The following METTL5 variants were observed in gnomAD, a reference collection of about 807,000 sequenced individuals.
METTL5 encodes the protein methyltransferase 5, N6-adenosine, also known as rRNA N(6)-adenosine-methyltransferase METTL5.
METTL5 carries 28 observed loss-of-function variants against 26.5 expected under a neutral mutation model. The observed-to-expected ratio is 1.06, with a 90% CI of 0.78 to 1.45. METTL5 has a LOEUF of 1.45. Among genes scored for constraint, METTL5 ranks in the 40% most tolerant of loss-of-function variants. METTL5 has a pLI of 0.00. For missense variants in METTL5, 231 were observed against 249.9 expected (o/e 0.92, Z 0.51); for synonymous variants, 86 against 82.6 (o/e 1.04, Z -0.22).
Position 169,824,759 on chromosome 2 carries a change from C to A in METTL5, c.-162G>T. ...CCTAAGGAGACGCCCGGACGCAGGG[C>A]ACGGGGCGAGCCTCTGACCCACCTC... On this transcript the variant is annotated 5_prime_UTR_variant, in exon 1 of 7. Transcript: ENST00000260953. 1.7e-6 allele frequency: 1 copy of A among 595,592 alleles called. No homozygotes were observed. The highest frequency in any genetic ancestry group is 2.0e-5 in the South Asian group (1 of 51,094). 36.9% of individuals were successfully genotyped at this position (595,592 alleles called of 1,614,324 possible).
chr2:169,823,687 G>A (rs1382358655), intron 1 of METTL5, among the ~76,000 whole-genome samples: 1 of 152,042 alleles, frequency 6.6e-6, no homozygotes, highest in Non-Finnish European at 1.5e-5. Context: ...CAGGCATGAC[G>A]GTGCATGCCT....
In METTL5 at chr2:169,820,145, C is replaced by T. The variant is rs186879358; in HGVS notation, c.407-502G>A. Among the ~76,000 whole-genome samples the T allele has an allele frequency of 7.8e-4, 119 of 152,086 alleles. 2 individuals carry two copies. In the East Asian group the frequency reaches 0.02, roughly 25 times the overall value. On this transcript the variant is annotated intron_variant, in intron 3 of 6. Coordinates refer to ENST00000260953, the MANE Select transcript of METTL5 (RefSeq NM_014168.4). ...GCTCATTTTGTATTTTTAGTAGAGACGGGGTTTCTCCATGTTGGTCAGGCT... is the reference window on the plus strand; with the variant it reads ...GCTCATTTTGTATTTTTAGTAGAGATGGGGTTTCTCCATGTTGGTCAGGCT...
chr2:169,820,923 TCTAA>T (rs745678988), intron 3 of METTL5, among the ~76,000 whole-genome samples, 165 bp downstream of exon 3: 1 of 151,824 alleles, frequency 6.6e-6, no homozygotes, highest in African/African-American at 2.4e-5. Context: ...AGAGGCAGGG[TCTAA>T]CTATGTTGCC....
In METTL5 at chr2:169,811,880, T is replaced by G. The variant is rs781164516; in HGVS notation, c.592-22A>C. The G allele has an allele frequency of 6.2e-6, 10 of 1,612,016 alleles. No individual in the cohort carries two copies. In the South Asian group the frequency reaches 1.1e-4, roughly 18 times the overall value. ...CCACCTGTGAGAAAGGAAAAATTTT[T>G]TTGTTGTTTAACTTGTCTTTTTGTT... is the stretch of plus-strand genomic sequence containing the variant. On this transcript the variant is annotated intron_variant, in intron 6 of 6. Transcript: ENST00000260953.
At chr2:169,822,896 A>G (rs573255599) in intron 1 of METTL5, among the ~76,000 whole-genome samples, 2 of 152,334 alleles carry the variant, frequency 1.3e-5, no homozygotes, top group Admixed American at 1.3e-4. Flanking sequence ...CTGAAGGTCA[A>G]ACATGAATAC....
At chr2:169,818,471 G>C (rs1430165514) in intron 4 of METTL5, among the ~76,000 whole-genome samples, 1 of 152,184 alleles carries the variant, frequency 6.6e-6, no homozygotes, top group Non-Finnish European at 1.5e-5. Context: ...TGGGGACACA[G>C]GTTTGGATAC....
At chr2:169,823,639 G>C (rs1190225276) in intron 1 of METTL5, among the ~76,000 whole-genome samples, 1 of 152,086 alleles carries the variant, frequency 6.6e-6, no homozygotes, top group Non-Finnish European at 1.5e-5. Flanking sequence ...GGGCAACATA[G>C]CAAGACGCTG....
At chr2:169,815,895 C>T (rs1275202278) in intron 4 of METTL5, among the ~76,000 whole-genome samples, 1 of 152,152 alleles carries the variant, frequency 6.6e-6, no homozygotes, top group Non-Finnish European at 1.5e-5. Flanking sequence ...CAACACATTA[C>T]CTTCTTGGTG....
intron 5 of METTL5, 195 bp from the exon 6 acceptor site, chr2:169,812,701 T>C (rs1690012883): frequency 1.8e-6 from 1 of 560,832 alleles, no homozygotes; most frequent in Non-Finnish European, 3.1e-6. Context: ...TTTCTGTTAT[T>C]ATGGCCATTT....
At chr2:169,820,981 C>T (rs892905188) in intron 3 of METTL5, 111 bp downstream of exon 3, 8 of 857,420 alleles carry the variant, frequency 9.3e-6, no homozygotes, top group African/African-American at 5.3e-5. Flanking sequence ...CCTCCTGTAT[C>T]AGCCTCGCAA....
intron 5 of METTL5, among the ~76,000 whole-genome samples, chr2:169,815,212 C>T (rs1036812512): frequency 1.3e-5 from 2 of 152,158 alleles, no homozygotes; most frequent in African/African-American, 4.8e-5. Flanking sequence ...TGTTTTTAGC[C>T]ATTGTGCTGC....
In METTL5 at chr2:169,824,868, C is replaced by T. The variant is rs1000350487; in HGVS notation, c.-271G>A. ...GATCCCTCGCGCCACGACCACGCAC[C>T]TCTGGAGGCGACCCGCACCTCGGCC... is the stretch of plus-strand genomic sequence containing the variant. On this transcript the variant is annotated 5_prime_UTR_variant, in exon 1 of 7. Coordinates refer to ENST00000260953, the MANE Select transcript of METTL5 (RefSeq NM_014168.4). The T allele has an allele frequency of 7.6e-5, 19 of 251,266 alleles. No individual in the cohort carries two copies. Among genetic ancestry groups the T allele is most frequent in the African/African-American group, 2.9e-4 (13 of 44,240 alleles). 15.6% of individuals were successfully genotyped at this position (251,266 alleles called of 1,614,324 possible).
At chr2:169,824,310 ATG>A (rs1441801878) in intron 1 of METTL5, 177 bp downstream of exon 1, 2 of 546,688 alleles carry the variant, frequency 3.7e-6, no homozygotes, top group African/African-American at 3.9e-5. Flanking sequence ...GATAGTGTGT[ATG>A]TCTGTGGAGG....
intron 1 of METTL5, among the ~76,000 whole-genome samples, chr2:169,822,773 C>G (rs1239847274): frequency 6.6e-6 from 1 of 152,018 alleles, no homozygotes. Context: ...AACACAAGCA[C>G]CATAAGCTCC....
intron 3 of METTL5, 140 bp from the exon 4 acceptor site, chr2:169,819,783 T>A: frequency 1.8e-6 from 1 of 564,638 alleles, no homozygotes; most frequent in South Asian, 2.5e-5. Context: ...AAATAAACTA[T>A]CAAAATATTA....
rs933841115 is a variant in METTL5 at position 169,824,530 on chromosome 2, T to C, written c.68A>G (p.Lys23Arg). ...LQQVDGFEKP[K>R]LLLEQYPTRP... ...GGTAGGATACTGTTCCAGAAGTAGC[T>C]TGGGCTTTTCAAATCCATCCACTTG... The change falls in exon 1 of 7, where the codon AAG (lysine) becomes AGG (arginine). Residue 23 changes from lysine to arginine, a missense_variant. Lys to Arg is a conservative substitution (Grantham distance 26). Transcript: ENST00000260953. 3 of 1,614,208 alleles carry C rather than the reference T, an allele frequency of 1.9e-6. No individual in the cohort carries two copies. Among genetic ancestry groups the C allele is most frequent in the Non-Finnish European group, 2.5e-6 (3 of 1,180,020 alleles).
chr2:169,819,776 T>C, intron 3 of METTL5, 133 bp from the exon 4 acceptor site: 2 of 574,946 alleles, frequency 3.5e-6, no homozygotes, highest in African/African-American at 3.7e-5. Flanking sequence ...AGGGTACAAA[T>C]AAACTATCAA....
rs2081556818 is a variant in METTL5, at chr2:169,819,612, C to G, written c.438G>C (p.Leu146Phe). ...AATATACTGCTGTTCTTGCCATTTC[C>G]AAAGCAGTCTTTAGAAAAGCCATAT... The part of the protein sequence containing the change: ...GTDMAFLKTA[L>F]EMARTAVYSL... The change falls in exon 4 of 7, where the codon TTG becomes TTC. Residue 146 changes from leucine (L) to phenylalanine (F), a missense_variant. By Grantham distance (22) the Leu-to-Phe change is conservative. Transcript: ENST00000260953. 6.2e-7 allele frequency: 1 copy of G among 1,612,950 alleles called. No individual in the cohort carries two copies. The highest frequency in any genetic ancestry group is 1.3e-5 in the African/African-American group (1 of 74,926).
In METTL5 at chr2:169,821,270, C is replaced by G. The variant is rs1292252256; in HGVS notation, c.228G>C (p.Leu76Phe). 21 of 1,601,206 alleles carry G rather than the reference C, an allele frequency of 1.3e-5. No individual in the cohort carries two copies. The highest frequency in any genetic ancestry group is 1.8e-5 in the Non-Finnish European group (21 of 1,175,068). ...SIGTAMLGAG[L>F]CVGFDIDEDA... ...CTTCATCTATGTCAAATCCAACACA[C>G]AACCTATAAATACAAAACACATACA... Residue 76 changes from leucine to phenylalanine, a missense_variant, in exon 3 of 7, where the codon TTG (leucine) becomes TTC (phenylalanine). Leu to Phe is a conservative substitution (Grantham distance 22, BLOSUM62 0). Transcript: ENST00000260953.
Sources: gnomAD v4.1 joint callset for allele counts (sites outside exome capture counted in the v4.1 genomes callset) on GRCh38, gnomAD v4.1.1 for gene constraint, MANE v1.5 for transcripts, NCBI Gene and HGNC (gene_info 2026-07-23, HGNC 2026-07-21) for gene names.